CSGALNACT1: variants seen among roughly 807,000 people sequenced by gnomAD.
The protein encoded by CSGALNACT1 is chondroitin sulfate N-acetylgalactosaminyltransferase 1, also known as beta4GalNAcT-1.
Under a neutral mutation model 51.0 loss-of-function variants are expected in CSGALNACT1, and 52 were observed. The ratio of observed to expected loss-of-function variants is 1.02; its 90% confidence interval spans 0.82 to 1.29. CSGALNACT1 has a LOEUF of 1.29. Among genes scored for constraint, CSGALNACT1 ranks in the 50% most tolerant of loss-of-function variants. The pLI, the probability that CSGALNACT1 is intolerant of heterozygous loss-of-function variation, is 0.00. For synonymous variants in CSGALNACT1, 341 were observed against 254.4 expected (o/e 1.34, Z -3.24); for missense variants, 935 against 679.2 (o/e 1.38, Z -4.19).
chr8:19,518,986 T>C (rs892638919), intron 3 of CSGALNACT1, among the ~76,000 whole-genome samples: 4 of 152,198 alleles, frequency 2.6e-5, no homozygotes, highest in Non-Finnish European at 4.4e-5. Flanking sequence ...TTGTACATTA[T>C]GAGCAGGTAG....
Position 19,628,661 on chromosome 8 carries a change from T to G in CSGALNACT1, c.-543-26796A>C, listed in dbSNP as rs112572761. 3.1e-3 allele frequency among the ~76,000 whole-genome samples: 471 copies of G among 152,236 alleles called. 1 individual carries two copies. The highest frequency in any genetic ancestry group is 5.1e-3 in the Non-Finnish European group (345 of 68,014). On this transcript the variant is annotated intron_variant, in intron 1 of 9. Transcript: ENST00000332246. ...CAGTCTTAATCAATAGGCTTTTTTT[T>G]TTTGTTTTTTGGGTCTCGCCATGCT...
intron 4 of CSGALNACT1, among the ~76,000 whole-genome samples, chr8:19,484,350 C>G (rs1367191931): frequency 6.6e-6 from 1 of 152,164 alleles, no homozygotes; most frequent in African/African-American, 2.4e-5. Context: ...TGGTACTATT[C>G]AGTTTCAGGT....
At chr8:19,420,447 A>C in exon 7 of CSGALNACT1, 1 of 1,614,236 alleles carries the variant, frequency 6.2e-7, no homozygotes, top group South Asian at 1.1e-5. Context: ...GCGGGCTCCA[A>C]CATCAAGTCC....
At chr8:19,494,906 G>C (rs890388311) in intron 4 of CSGALNACT1, 1 of 150,870 alleles carries the variant, frequency 6.6e-6, no homozygotes, top group African/African-American at 2.4e-5. Context: ...GGGGCAGGAG[G>C]GTCGGGTAGG....
chr8:19,474,677 T>C (rs1410550658), intron 4 of CSGALNACT1, among the ~76,000 whole-genome samples: 2 of 151,908 alleles, frequency 1.3e-5, no homozygotes, highest in African/African-American at 4.8e-5. Flanking sequence ...GAGACCAGCC[T>C]AACCAACATG....
chr8:19,738,429 A>G (rs1313913496), intron 1 of CSGALNACT1, among the ~76,000 whole-genome samples: 4 of 152,210 alleles, frequency 2.6e-5, no homozygotes, highest in Non-Finnish European at 2.9e-5. Flanking sequence ...AAATTGGTCA[A>G]ATTTATACAG....
chr8:19,487,959 T>A (rs1035312255), intron 4 of CSGALNACT1, among the ~76,000 whole-genome samples: 3 of 151,862 alleles, frequency 2.0e-5, no homozygotes, highest in South Asian at 2.1e-4. Flanking sequence ...ATTCTTCATA[T>A]AATACACCTC....
At chr8:19,460,684 G>C (rs1037230283) in intron 4 of CSGALNACT1, among the ~76,000 whole-genome samples, 1 of 152,186 alleles carries the variant, frequency 6.6e-6, no homozygotes, top group Non-Finnish European at 1.5e-5. Context: ...TACATAAATA[G>C]ATTTCTCTCC....
chr8:19,413,034 G>C (rs916174595), intron 8 of CSGALNACT1, among the ~76,000 whole-genome samples: 5 of 152,142 alleles, frequency 3.3e-5, no homozygotes, highest in Non-Finnish European at 7.3e-5. Flanking sequence ...TGAGAAATAA[G>C]GTATCCTACA....
At chr8:19,412,903 G>A (rs945354963) in intron 8 of CSGALNACT1, among the ~76,000 whole-genome samples, 10 of 152,084 alleles carry the variant, frequency 6.6e-5, no homozygotes, top group Non-Finnish European at 1.3e-4. Context: ...GGTGCCAGGA[G>A]GGCTGCATGC....
chr8:19,579,379 C>T (rs2045052932), intron 3 of CSGALNACT1, among the ~76,000 whole-genome samples: 1 of 152,166 alleles, frequency 6.6e-6, no homozygotes, highest in African/African-American at 2.4e-5. Context: ...CTAGAAGGCT[C>T]TGGGTAATTG....
chr8:19,552,357 C>G (rs776571329), intron 3 of CSGALNACT1, among the ~76,000 whole-genome samples: 24 of 152,058 alleles, frequency 1.6e-4, no homozygotes, highest in Non-Finnish European at 3.1e-4. Context: ...GTTTTCTTTT[C>G]TGGAATAATA....
At chr8:19,608,703 C>A (rs913911571) in intron 1 of CSGALNACT1, among the ~76,000 whole-genome samples, 10 of 152,156 alleles carry the variant, frequency 6.6e-5, no homozygotes, top group African/African-American at 2.4e-4. Context: ...TTTACAATTC[C>A]CTCTGGCTAA....
At chr8:19,603,118 A>T (rs112452229), upstream of CSGALNACT1, among the ~76,000 whole-genome samples, 2 of 95,654 alleles carry the variant, frequency 2.1e-5, no homozygotes, top group African/African-American at 1.4e-4. Flanking sequence ...TGCAGGAATT[A>T]AAAAAAAAAA....
intron 5 of CSGALNACT1, among the ~76,000 whole-genome samples, chr8:19,448,985 G>A (rs371604014): frequency 2.2e-4 from 33 of 152,094 alleles, no homozygotes; most frequent in African/African-American, 7.7e-4. Flanking sequence ...CTTTGGTTTG[G>A]AGGGTCATCT....
chr8:19,529,099 G>A (rs954696930), intron 3 of CSGALNACT1, among the ~76,000 whole-genome samples: 6 of 152,170 alleles, frequency 3.9e-5, no homozygotes, highest in South Asian at 4.1e-4. Context: ...AGATGCTGCC[G>A]AGAAATCAAG....
chr8:19,422,755 A>T (rs1585631043), intron 6 of CSGALNACT1, among the ~76,000 whole-genome samples: 1 of 152,334 alleles, frequency 6.6e-6, no homozygotes, highest in Non-Finnish European at 1.5e-5. Flanking sequence ...AGGTGTCTGC[A>T]GCCCCAGCTC....
intron 4 of CSGALNACT1, among the ~76,000 whole-genome samples, chr8:19,485,407 C>T (rs1202583751): frequency 6.6e-6 from 1 of 151,546 alleles, no homozygotes; most frequent in Non-Finnish European, 1.5e-5. Context: ...AATCCTAAGC[C>T]CCCAAGTCAC....
At chr8:19,628,006 C>T (rs898297753) in intron 1 of CSGALNACT1, among the ~76,000 whole-genome samples, 2 of 152,062 alleles carry the variant, frequency 1.3e-5, no homozygotes, top group Non-Finnish European at 2.9e-5. Context: ...CTATTTTTTT[C>T]AACTTCTTGC....
Sources: gnomAD v4.1 joint callset for allele counts (sites outside exome capture counted in the v4.1 genomes callset) on GRCh38, gnomAD v4.1.1 for gene constraint, MANE v1.5 for transcripts, NCBI Gene and HGNC (gene_info 2026-07-23, HGNC 2026-07-21) for gene names.